Variants in POLL observed in about 807,000 individuals in gnomAD.
POLL encodes the protein DNA polymerase lambda, also known as DNA polymerase beta-2.
Under a neutral mutation model 58.1 loss-of-function variants are expected in POLL, and 44 were observed. That is an observed-to-expected ratio of 0.76 (90% CI 0.60 to 0.97). The LOEUF (loss-of-function observed/expected upper bound fraction) is 0.97, where lower values mean the gene tolerates loss of function less well. Among genes scored for constraint, POLL ranks in the 50% least tolerant of loss-of-function variants. POLL has a pLI of 0.00. For synonymous variants in POLL, 290 were observed against 283.2 expected, an observed-to-expected ratio of 1.02 and a Z score of -0.24; for missense variants, 632 against 736.8, an observed-to-expected ratio of 0.86 and a Z score of 1.65.
chr10:101,585,878 T>C lies in POLL; in HGVS notation c.394A>G (p.Ile132Val), dbSNP rs1360609852. 7 of 1,582,334 alleles carry C rather than the reference T, an allele frequency of 4.4e-6. No individual in the cohort carries two copies. The Admixed American group carries it at 5.2e-5, about 12-fold the overall frequency. The change falls in exon 3 of 9, where the codon ATC becomes GTC. Residue 132 changes from isoleucine to valine, a missense_variant. By Grantham distance (29) the Ile-to-Val change is conservative. Coordinates refer to ENST00000370162, the MANE Select transcript of POLL (RefSeq NM_001174084.2). ...RRLVDVAGFS[I>V]FIPSRYLDHP... ...TCAGCCCACCTACTGGGGATGAAGA[T>C]GCTGAATCCAGCTACATCCACCAGC... is the stretch of plus-strand genomic sequence containing the variant.
In POLL at chr10:101,586,054, C is replaced by T. The variant is rs745476164; in HGVS notation, c.218G>A (p.Cys73Tyr). Residue 73 changes from cysteine (C) to tyrosine (Y), a missense_variant, in exon 3 of 9, where the codon TGC becomes TAC. Cys to Tyr is a radical substitution (Grantham distance 194). Coordinates refer to ENST00000370162, the MANE Select transcript of POLL (RefSeq NM_001174084.2). The part of the protein sequence containing the change: ...KQIVQHGGQL[C>Y]PAQGPGVTHI... ...AGTGACACCTGGGCCCTGGGCAGGG[C>T]ATAGCTGGCCGCCATGCTGAACAAT... 4 of 1,614,070 alleles carry T rather than the reference C, an allele frequency of 2.5e-6. No individual in the cohort carries two copies. The highest frequency in any genetic ancestry group is 1.1e-5 in the South Asian group (1 of 91,084).
chr10:101,579,760 A>G lies in POLL; in HGVS notation c.1421T>C (p.Leu474Ser). 1 of 1,613,750 alleles carries G rather than the reference A, an allele frequency of 6.2e-7. No homozygotes were observed. Among genetic ancestry groups the G allele is most frequent in the Non-Finnish European group, 8.5e-7 (1 of 1,179,982 alleles). Residue 474 changes from leucine (L) to serine (S), a missense_variant, in exon 9 of 9, where the codon TTG becomes TCG. Coordinates refer to ENST00000370162, the MANE Select transcript of POLL (RefSeq NM_001174084.2). This position sits in a 1 kb window ranked among gnomAD's most constrained non-coding sequence, Gnocchi z 4.4. Reference sequence around the variant, plus strand: ...TGGCCCTGGGAGCCGGCACACCCCCAAGTACTTCTGTTGCTGACCATTCTC... The same window carrying G: ...TGGCCCTGGGAGCCGGCACACCCCCGAGTACTTCTGTTGCTGACCATTCTC... ...QEENGQQQKYLGVCRLPGPGR... is the reference protein window; with the variant it reads ...QEENGQQQKYSGVCRLPGPGR...
At chr10:101,585,095 T>C (rs913588647) in intron 4 of POLL, among the ~76,000 whole-genome samples, 176 bp from the exon 5 acceptor site, 2 of 152,188 alleles carry the variant, frequency 1.3e-5, no homozygotes, top group African/African-American at 4.8e-5. Flanking sequence ...ACGTTCCCTT[T>C]GGCTCCACGC....
Position 101,586,953 on chromosome 10 carries a change from G to A in POLL, c.115+293C>T, listed in dbSNP as rs145031250. ...CTAACAACAAGCCTGGGTAATGGAG[G>A]GGGGTTTCTGTCCCAGTCCTCAGGG... is the stretch of plus-strand genomic sequence containing the variant. On this transcript the variant is annotated intron_variant, in intron 2 of 8. Transcript: ENST00000370162. Among the ~76,000 whole-genome samples, 439 of 152,272 alleles carry A rather than the reference G, an allele frequency of 2.9e-3. 1 individual carries two copies. Among genetic ancestry groups the A allele is most frequent in the Non-Finnish European group, 4.9e-3 (336 of 68,028 alleles).
chr10:101,580,803 C>T lies in POLL; in HGVS notation c.1195-387G>A, dbSNP rs1017105302. 5.0e-5 allele frequency: 9 copies of T among 178,622 alleles called. No individual in the cohort carries two copies. The highest frequency in any genetic ancestry group is 1.7e-4 in the African/African-American group (7 of 42,110). The allele number at this position is 178,622 out of a possible 1,614,324, so 11.1% of individuals were successfully genotyped here. A position where few individuals can be genotyped will look rare whatever the true frequency, so the allele number is the denominator to read the frequency against. On this transcript the variant is annotated intron_variant, in intron 7 of 8. Transcript: ENST00000370162. The surrounding 1 kb of genome is among the most constrained non-coding windows in gnomAD (Gnocchi z 4.1). ...GACAAGGGGCCAGGTGCTGAAAGCCCTCAGCCAGGTCTAGGCAGCCCCAGA... is the reference window on the plus strand; with the variant it reads ...GACAAGGGGCCAGGTGCTGAAAGCCTTCAGCCAGGTCTAGGCAGCCCCAGA...
Position 101,580,144 on chromosome 10 carries a change from G to A in POLL, c.1363+104C>T, listed in dbSNP as rs1323145574. 2 of 1,025,466 alleles carry A rather than the reference G, an allele frequency of 2.0e-6. No individual in the cohort carries two copies. The highest frequency in any genetic ancestry group is 1.5e-6 in the Non-Finnish European group (1 of 687,436). 63.5% of individuals were successfully genotyped at this position (1,025,466 alleles called of 1,614,324 possible). The stretch of plus-strand genomic sequence containing the variant: ...GATGCTGGCAAAGCACTGTTCCCCT[G>A]CTTCCTGCCTCAGGACTGGAACTTC... On this transcript the variant is annotated intron_variant, in intron 8 of 8. Coordinates refer to ENST00000370162, the MANE Select transcript of POLL (RefSeq NM_001174084.2). This position sits in a 1 kb window ranked among gnomAD's most constrained non-coding sequence, Gnocchi z 4.1.
At chr10:101,581,889 T>A (rs554774026) in intron 7 of POLL, 1 of 152,018 alleles carries the variant, frequency 6.6e-6, no homozygotes, top group East Asian at 1.9e-4. Context: ...CGCTGCAACC[T>A]CCGCCTCCCA....
rs55784598 is a variant in POLL, at chr10:101,580,100, G to A, written c.1363+148C>T. ...TCCATCTCTCCCTGGAGAGGATTCC[G>A]GCCCCGATAGAGAGATGGGATGCTG... On this transcript the variant is annotated intron_variant, in intron 8 of 8. Coordinates refer to ENST00000370162, the MANE Select transcript of POLL (RefSeq NM_001174084.2). The surrounding 1 kb of genome is among the most constrained non-coding windows in gnomAD (Gnocchi z 4.1). The A allele has an allele frequency of 6.6e-6, 5 of 760,500 alleles. No homozygotes were observed. The highest frequency in any genetic ancestry group is 3.9e-4 in the Middle Eastern group (1 of 2,594). 47.1% of individuals were successfully genotyped at this position (760,500 alleles called of 1,614,324 possible).
intron 4 of POLL, among the ~76,000 whole-genome samples, 196 bp from the exon 5 acceptor site, chr10:101,585,115 C>A (rs937917072): frequency 6.6e-6 from 1 of 152,136 alleles, no homozygotes; most frequent in African/African-American, 2.4e-5. Flanking sequence ...CAGTGCCTAG[C>A]CCTAGGATCC....
At chr10:101,587,068 A>G (rs2063399633) in intron 2 of POLL, 178 bp downstream of exon 2, 2 of 1,354,482 alleles carry the variant, frequency 1.5e-6, no homozygotes, top group Admixed American at 3.4e-5. Context: ...AACACAGCAA[A>G]TAGCCTGTCC....
Position 101,585,990 on chromosome 10 carries a change from G to T in POLL, c.282C>A (p.Ala94=). Residue 94 remains alanine, a synonymous_variant, in exon 3 of 9, where the codon GCC becomes GCA. Transcript: ENST00000370162. ...GCTGGGGTAGTCTGAGAAGGCGGAG[G>T]GCTCGCTCATAGTCCATGCCTTCAT... The part of the protein sequence containing the change: ...VVDEGMDYER[A]LRLLRLPQLP... The T allele has an allele frequency of 6.2e-7, 1 of 1,614,078 alleles. No individual in the cohort carries two copies. The highest frequency in any genetic ancestry group is 8.5e-7 in the Non-Finnish European group (1 of 1,180,032).
chr10:101,581,707 A>AT (rs2062998347), intron 7 of POLL: 1 of 152,160 alleles, frequency 6.6e-6, no homozygotes, highest in South Asian at 2.1e-4. Flanking sequence ...CCAACTCTAA[A>AT]CCAAACCCAA....
chr10:101,579,723 G>C lies in POLL; in HGVS notation c.1458C>G (p.His486Gln). ...VCRLPGPGRR[H>Q]RRLDIIVVPY... ...GCACCACGATGATGTCCAGGCGCCG[G>C]TGCCGCCGCCCTGGCCCTGGGAGCC... The change falls in exon 9 of 9, where the codon CAC becomes CAG. Residue 486 changes from histidine to glutamine, a missense_variant. By Grantham distance (24) the His-to-Gln change is conservative. Transcript: ENST00000370162. This position sits in a 1 kb window ranked among gnomAD's most constrained non-coding sequence, Gnocchi z 4.4. The C allele has an allele frequency of 6.2e-7, 1 of 1,613,754 alleles. No individual in the cohort carries two copies. The highest frequency in any genetic ancestry group is 8.5e-7 in the Non-Finnish European group (1 of 1,179,992).
intron 6 of POLL, chr10:101,583,194 A>G: frequency 1.7e-6 from 1 of 599,176 alleles, no homozygotes; most frequent in Non-Finnish European, 3.0e-6. Context: ...CAGAGCCAGG[A>G]TTGGGAACCA....
In POLL at chr10:101,587,870, G is replaced by A; in HGVS notation, c.-95C>T. ...AGGAGGAGGACTTTCGGGGGTGAGT[G>A]GGAACGCCCTGCACCTGTCCTGGTC... On this transcript the variant is annotated 5_prime_UTR_variant, in exon 1 of 9. Coordinates refer to ENST00000370162, the MANE Select transcript of POLL (RefSeq NM_001174084.2). The A allele has an allele frequency of 8.4e-7, 1 of 1,191,786 alleles. No individual in the cohort carries two copies. The highest frequency in any genetic ancestry group is 1.1e-6 in the Non-Finnish European group (1 of 943,202). The allele number at this position is 1,191,786 out of a possible 1,614,324, so 73.8% of individuals were successfully genotyped here. A position where few individuals can be genotyped will look rare whatever the true frequency, so the allele number is the denominator to read the frequency against.
At position 101,584,939 on chromosome 10, in the gene POLL, G is replaced by C. The variant is rs771460178; in HGVS notation, c.574-20C>G. 4 of 1,358,314 alleles carry C rather than the reference G, an allele frequency of 2.9e-6. No individual in the cohort carries two copies. The highest frequency in any genetic ancestry group is 2.9e-6 in the Non-Finnish European group (3 of 1,044,786). 84.1% of individuals were successfully genotyped at this position (1,358,314 alleles called of 1,614,324 possible). ...GATGGGCTTGGGATAGAGAAGAAAA[G>C]AAAACAATAAATTCTTGTTCTCCAA... On this transcript the variant is annotated intron_variant, in intron 4 of 8. Coordinates refer to ENST00000370162, the MANE Select transcript of POLL (RefSeq NM_001174084.2).
At chr10:101,581,818 T>G (rs1003627014) in intron 7 of POLL, 2 of 152,142 alleles carry the variant, frequency 1.3e-5, no homozygotes, top group Non-Finnish European at 2.9e-5. Context: ...ATCTTTTTTT[T>G]TTTTTCAGAC....
At chr10:101,582,348 A>T (rs1189265703) in intron 7 of POLL, 5 of 167,342 alleles carry the variant, frequency 3.0e-5, no homozygotes, top group Non-Finnish European at 5.3e-5. Context: ...CACAGTTTTC[A>T]TCAGGTTCTC....
In POLL at chr10:101,582,784, C is replaced by T; in HGVS notation, c.1173G>A (p.Glu391=). ...SDFLERMPRE[E]ATEIEQTVQK... ...TTACTGTCTGCTCAATCTCTGTAGCCTCCTCCCTGGGCATACGTTCCAGGA... is the reference window on the plus strand; with the variant it reads ...TTACTGTCTGCTCAATCTCTGTAGCTTCCTCCCTGGGCATACGTTCCAGGA... The change falls in exon 7 of 9, where the codon GAG becomes GAA. Residue 391 remains glutamate, a synonymous_variant. Coordinates refer to ENST00000370162, the MANE Select transcript of POLL (RefSeq NM_001174084.2). The T allele has an allele frequency of 6.2e-7, 1 of 1,614,224 alleles. No homozygotes were observed. Among genetic ancestry groups the T allele is most frequent in the Non-Finnish European group, 8.5e-7 (1 of 1,180,036 alleles).
Sources: allele counts gnomAD v4.1 joint callset (sites outside exome capture counted in the v4.1 genomes callset), GRCh38; gene constraint gnomAD v4.1.1; non-coding constraint Gnocchi (gnomAD v3.1); transcripts MANE v1.5; gene names NCBI Gene and HGNC (gene_info 2026-07-23, HGNC 2026-07-21).